Variants in LRRC49 observed in about 807,000 individuals in gnomAD.
LRRC49 encodes the protein leucine-rich repeat-containing protein 49.
Under a neutral mutation model 83.3 loss-of-function variants are expected in LRRC49, and 50 were observed. The observed-to-expected ratio is 0.60, with a 90% CI of 0.48 to 0.76. LRRC49 has a LOEUF of 0.76. LRRC49 is among the 30% of genes least tolerant of loss of function. LRRC49 has a pLI of 0.00. For synonymous variants in LRRC49, 286 were observed against 283.3 expected (o/e 1.01, Z -0.10); for missense variants, 704 against 809.1 (o/e 0.87, Z 1.58).
intron 2 of LRRC49, among the ~76,000 whole-genome samples, chr15:70,883,377 A>G (rs1274653694): frequency 6.6e-6 from 1 of 152,024 alleles, no homozygotes; most frequent in Non-Finnish European, 1.5e-5. Flanking sequence ...TATTTTTAGT[A>G]GAAACAGGGT....
At chr15:70,966,514 A>G (rs1228774881) in intron 9 of LRRC49, among the ~76,000 whole-genome samples, 3 of 152,280 alleles carry the variant, frequency 2.0e-5, no homozygotes, top group South Asian at 4.1e-4. Flanking sequence ...GCAGTGTCCA[A>G]TGTGATTCTC....
chr15:70,870,328 T>A (rs757246416), intron 1 of LRRC49, among the ~76,000 whole-genome samples: 9 of 152,246 alleles, frequency 5.9e-5, no homozygotes, highest in African/African-American at 9.6e-5. Context: ...TCACACTAGC[T>A]CAACTGTGGT....
intron 10 of LRRC49, among the ~76,000 whole-genome samples, chr15:70,980,688 G>T (rs995131500): frequency 6.6e-6 from 1 of 151,538 alleles, no homozygotes; most frequent in Non-Finnish European, 1.5e-5. Context: ...AAATGATTTA[G>T]CAGATATTAA....
intron 8 of LRRC49, among the ~76,000 whole-genome samples, chr15:70,950,826 C>A (rs1056927873): frequency 2.0e-5 from 3 of 152,216 alleles, no homozygotes; most frequent in African/African-American, 4.8e-5. Context: ...GTCATAAATT[C>A]TTTGCCAAGG....
At chr15:70,857,275 G>C (rs1267753341) in intron 1 of LRRC49, among the ~76,000 whole-genome samples, 1 of 152,154 alleles carries the variant, frequency 6.6e-6, no homozygotes, top group African/African-American at 2.4e-5. Flanking sequence ...ATATTTTTGA[G>C]TGTGCCTGGC....
intron 2 of LRRC49, among the ~76,000 whole-genome samples, chr15:70,875,084 C>T (rs1444498595): frequency 6.6e-6 from 1 of 152,226 alleles, no homozygotes; most frequent in African/African-American, 2.4e-5. Flanking sequence ...AATTTGCAGG[C>T]TGGGATTATA....
chr15:71,018,309 C>G (rs1006580974), intron 14 of LRRC49, among the ~76,000 whole-genome samples: 2 of 152,036 alleles, frequency 1.3e-5, no homozygotes, highest in Non-Finnish European at 2.9e-5. Context: ...AGGTTTTATT[C>G]TATGTCTGTA....
intron 3 of LRRC49, chr15:70,900,120 CA>C (rs2034007943): frequency 1.2e-5 from 2 of 168,358 alleles, no homozygotes; most frequent in Non-Finnish European, 2.5e-5. Context: ...TGCAAACTTA[CA>C]AATAGGTATT....
chr15:70,942,203 C>T (rs2035846938), intron 8 of LRRC49, among the ~76,000 whole-genome samples: 1 of 152,062 alleles, frequency 6.6e-6, no homozygotes. Flanking sequence ...AGGCTGATAG[C>T]TATTCATAGC....
intron 4 of LRRC49, among the ~76,000 whole-genome samples, 156 bp downstream of exon 4, chr15:70,901,180 C>T (rs570218932): frequency 5.3e-5 from 8 of 152,160 alleles, no homozygotes; most frequent in Admixed American, 3.9e-4. Flanking sequence ...TTTTGCTTCT[C>T]CTTCCTGAGG....
At chr15:70,988,951 G>A (rs1225667030) in intron 11 of LRRC49, among the ~76,000 whole-genome samples, 1 of 152,174 alleles carries the variant, frequency 6.6e-6, no homozygotes, top group Non-Finnish European at 1.5e-5. Flanking sequence ...CTTTAAGAAT[G>A]TTGAATATTG....
intron 5 of LRRC49, among the ~76,000 whole-genome samples, chr15:70,905,490 G>C (rs1216138686): frequency 6.6e-6 from 1 of 152,118 alleles, no homozygotes; most frequent in African/African-American, 2.4e-5. Context: ...GGAAAAAAAA[G>C]TATTATCTCT....
intron 2 of LRRC49, chr15:70,882,795 T>TTGTG: frequency 6.2e-7 from 1 of 1,614,186 alleles, no homozygotes. Context: ...TCAAAGAAAT[T>TTGTG]TGTGTACTTT....
At chr15:70,853,962 C>A in intron 1 of LRRC49, 2 of 1,455,750 alleles carry the variant, frequency 1.4e-6, no homozygotes, top group Non-Finnish European at 1.8e-6. Context: ...GGGTCCCCGG[C>A]GCCCCGAGTC....
chr15:70,985,092 G>A lies in LRRC49; in HGVS notation c.1169+835G>A, dbSNP rs1380756359. 5.5e-5 allele frequency among the ~76,000 whole-genome samples: 8 copies of A among 145,862 alleles called. 1 individual carries two copies. The highest frequency in any genetic ancestry group is 1.0e-4 in the African/African-American group (4 of 39,076). ...GTGAATAGTGCCGCAATAAACATAC[G>A]TGTGCATGTGTCTTTATAGCAGCAT... On this transcript the variant is annotated intron_variant, in intron 11 of 15. Transcript: ENST00000260382.
chr15:70,882,410 G>A, intron 2 of LRRC49: 1 of 1,433,530 alleles, frequency 7.0e-7, no homozygotes, highest in Non-Finnish European at 9.6e-7. Flanking sequence ...TGTGAGTAAA[G>A]ATTTGAAAAT....
chr15:70,881,657 A>G (rs955021877), intron 2 of LRRC49: 1 of 152,222 alleles, frequency 6.6e-6, no homozygotes, highest in African/African-American at 2.4e-5. Context: ...TCTCAAATGT[A>G]GAATTCAAAA....
At chr15:70,964,740 TTAA>T in intron 9 of LRRC49, among the ~76,000 whole-genome samples, 1 of 152,280 alleles carries the variant, frequency 6.6e-6, no homozygotes, top group East Asian at 1.9e-4. Flanking sequence ...AAAACACATT[TTAA>T]TAATCTCAGT....
chr15:71,031,006 C>T (rs1199742434), intron 14 of LRRC49, among the ~76,000 whole-genome samples: 1 of 152,060 alleles, frequency 6.6e-6, no homozygotes, highest in Non-Finnish European at 1.5e-5. Flanking sequence ...CTACTTCTGT[C>T]AAATTGTCAA....
Sources: gnomAD v4.1 joint callset for allele counts (sites outside exome capture counted in the v4.1 genomes callset) on GRCh38, gnomAD v4.1.1 for gene constraint, MANE v1.5 for transcripts, NCBI Gene and HGNC (gene_info 2026-07-23, HGNC 2026-07-21) for gene names.